The following DNAJC17 variants were observed in gnomAD, a reference collection of about 807,000 sequenced individuals.
The protein encoded by DNAJC17 is DnaJ heat shock protein family (Hsp40) member C17.
A neutral mutation model predicts 48.1 loss-of-function variants in DNAJC17; 35 were observed. That is an observed-to-expected ratio of 0.73 (90% CI 0.56 to 0.96). The LOEUF (loss-of-function observed/expected upper bound fraction) is 0.96. Ranked by LOEUF, DNAJC17 falls within the 50% of genes least tolerant of loss-of-function variation. DNAJC17 has a pLI of 0.00. For synonymous variants in DNAJC17, 117 were observed against 142.7 expected, an observed-to-expected ratio of 0.82 and a Z score of 1.28; for missense variants, 355 against 377.1, an observed-to-expected ratio of 0.94 and a Z score of 0.48.
At chr15:40,773,985 G>T in intron 9 of DNAJC17, 148 bp from the exon 10 acceptor site, 1 of 732,346 alleles carries the variant, frequency 1.4e-6, no homozygotes, top group Non-Finnish European at 2.2e-6. Flanking sequence ...GGGTGTTAAC[G>T]CTTTGGCCTT....
rs1889071729 is a variant in DNAJC17, at chr15:40,769,712, G to C, written c.793-1650C>G. 6.6e-6 allele frequency among the ~76,000 whole-genome samples: 1 copy of C among 152,170 alleles called. No individual in the cohort carries two copies. Among genetic ancestry groups the C allele is most frequent in the African/African-American group, 2.4e-5 (1 of 41,394 alleles). ...ACCCGCCCCGAACTCTTCCTACCCA[G>C]ACACTGTGGGCAGGGAGCCAGGCGC... On this transcript the variant is annotated intron_variant, in intron 10 of 10. Transcript: ENST00000220496. This position sits in a 1 kb window ranked among gnomAD's most constrained non-coding sequence, Gnocchi z 4.2.
chr15:40,770,467 A>G lies in DNAJC17; in HGVS notation c.793-2405T>C, dbSNP rs755259960. 2.7e-5 allele frequency: 41 copies of G among 1,529,772 alleles called. No homozygotes were observed. In the African/African-American group the frequency reaches 5.2e-4, roughly 20 times the overall value. 94.8% of individuals were successfully genotyped at this position (1,529,772 alleles called of 1,614,324 possible). A position where few individuals can be genotyped will look rare whatever the true frequency, so the allele number is the denominator to read the frequency against. On this transcript the variant is annotated intron_variant, in intron 10 of 10. Transcript: ENST00000220496. The surrounding 1 kb of genome is among the most constrained non-coding windows in gnomAD (Gnocchi z 5.0). ...CCACATGCACCCTGGCTGCTCCTGA[A>G]CACCTGTCTGCTGGCTCCCCTGGGC...
At chr15:40,783,576 G>A (rs73398545) in intron 1 of DNAJC17, among the ~76,000 whole-genome samples, 13,195 of 152,250 alleles carry the variant, frequency 0.087, 1,526 homozygotes, top group African/African-American at 0.27. Context: ...CTTTTAAAGT[G>A]GTTTAGGCTG....
rs1888946985 is a variant in DNAJC17, at chr15:40,766,266, T to C, written c.*1674A>G. The C allele has an allele frequency of 5.7e-6, 1 of 174,680 alleles. No individual in the cohort carries two copies. Among genetic ancestry groups the C allele is most frequent in the Admixed American group, 6.3e-5 (1 of 15,844 alleles). The allele number at this position is 174,680 out of a possible 1,614,324, so 10.8% of individuals were successfully genotyped here. A position where few individuals can be genotyped will look rare whatever the true frequency, so the allele number is the denominator to read the frequency against. ...ACAGGCACAGAGAGAAAGGTTTTTGTCGTGAGGATCTGCATGAGTCGCAAA... is the reference window on the plus strand; with the variant it reads ...ACAGGCACAGAGAGAAAGGTTTTTGCCGTGAGGATCTGCATGAGTCGCAAA... On this transcript the variant is annotated 3_prime_UTR_variant, in exon 11 of 11. Coordinates refer to ENST00000220496, the MANE Select transcript of DNAJC17 (RefSeq NM_018163.3).
rs374839066 is a variant in DNAJC17, at chr15:40,779,930, G to C, written c.146C>G (p.Ala49Gly). The C allele has an allele frequency of 3.7e-6, 6 of 1,613,838 alleles. No homozygotes were observed. The African/African-American group carries it at 8.0e-5, about 22-fold the overall frequency. ...CCACGCCCTGAGAAGAGTCTCACCTGCTCTGGGATTATCTGGATTTTTGTC... is the reference window on the plus strand; with the variant it reads ...CCACGCCCTGAGAAGAGTCTCACCTCCTCTGGGATTATCTGGATTTTTGTC... ...HPDKNPDNPR[A>G]AELFHQLSQA... is the part of the protein sequence containing the mutation. Residue 49 changes from alanine (A) to glycine (G), a missense_variant and splice_region_variant, in exon 2 of 11, where the codon GCA (alanine) becomes GGA (glycine). Ala to Gly is a moderately conservative substitution (Grantham distance 60). Transcript: ENST00000220496.
chr15:40,798,877 T>C (rs1226396697), intron 1 of DNAJC17, among the ~76,000 whole-genome samples: 1 of 152,140 alleles, frequency 6.6e-6, no homozygotes, highest in African/African-American at 2.4e-5. Flanking sequence ...ACTTAATCCT[T>C]CATTCTGGCA....
chr15:40,765,190 G>A lies in DNAJC17; in HGVS notation c.*2750C>T, dbSNP rs1284454465. 2 of 152,198 alleles carry A rather than the reference G, an allele frequency of 1.3e-5. No individual in the cohort carries two copies. The highest frequency in any genetic ancestry group is 4.8e-5 in the African/African-American group (2 of 41,444). The allele number at this position is 152,198 out of a possible 1,614,324, so 9.4% of individuals were successfully genotyped here. A position where few individuals can be genotyped will look rare whatever the true frequency, so the allele number is the denominator to read the frequency against. On this transcript the variant is annotated 3_prime_UTR_variant, in exon 11 of 11. Coordinates refer to ENST00000220496, the MANE Select transcript of DNAJC17 (RefSeq NM_018163.3). ...TTAAAAGATATGGCTTTATTGATAT[G>A]TAATGTGCATACCATAAATTCTTTG...
chr15:40,785,095 TAAC>T (rs779030942), intron 1 of DNAJC17, among the ~76,000 whole-genome samples: 4 of 151,758 alleles, frequency 2.6e-5, no homozygotes, highest in Non-Finnish European at 4.4e-5. Context: ...TGAAAGTCCA[TAAC>T]AACAACAACA....
Position 40,770,528 on chromosome 15 carries a change from C to A in DNAJC17, c.793-2466G>T, listed in dbSNP as rs368287645. 56 of 1,550,460 alleles carry A rather than the reference C, an allele frequency of 3.6e-5. 1 individual carries two copies. In the East Asian group the frequency reaches 8.1e-4, roughly 22 times the overall value. On this transcript the variant is annotated intron_variant, in intron 10 of 10. Coordinates refer to ENST00000220496, the MANE Select transcript of DNAJC17 (RefSeq NM_018163.3). The surrounding 1 kb of genome is among the most constrained non-coding windows in gnomAD (Gnocchi z 5.0). ...CCTGGCGGAAAGGCTCCTTCCGCAA[C>A]GCCTCCTTCTTCAAGCAGCTGAGCC... is the stretch of plus-strand genomic sequence containing the variant.
Position 40,770,350 on chromosome 15 carries a change from TGTG to T in DNAJC17, c.793-2291_793-2289del. On this transcript the variant is annotated intron_variant, in intron 10 of 10. Coordinates refer to ENST00000220496, the MANE Select transcript of DNAJC17 (RefSeq NM_018163.3). This position sits in a 1 kb window ranked among gnomAD's most constrained non-coding sequence, Gnocchi z 5.0. The stretch of plus-strand genomic sequence containing the variant: ...TGAGCCCTCCTCTCACCATCCAAGA[TGTG>T]GTCAAAGGTCTGTGCTGAGTGGAAA... The T allele has an allele frequency of 1.3e-6, 1 of 755,064 alleles. No individual in the cohort carries two copies. The highest frequency in any genetic ancestry group is 1.9e-5 in the South Asian group (1 of 52,142). 46.8% of individuals were successfully genotyped at this position (755,064 alleles called of 1,614,324 possible).
At chr15:40,800,811 TA>T (rs1890056817) in intron 1 of DNAJC17, among the ~76,000 whole-genome samples, 1 of 151,954 alleles carries the variant, frequency 6.6e-6, no homozygotes, top group South Asian at 2.1e-4. Flanking sequence ...ATATAAAAAT[TA>T]GCCAGGCGTG....
At chr15:40,792,967 C>A (rs141841763) in intron 1 of DNAJC17, among the ~76,000 whole-genome samples, 145 of 146,954 alleles carry the variant, frequency 9.9e-4, no homozygotes, top group African/African-American at 3.6e-3. Context: ...GATCTCAGCT[C>A]ACTGCAAGCT....
intron 1 of DNAJC17, among the ~76,000 whole-genome samples, chr15:40,790,736 T>C (rs1188371326): frequency 1.3e-5 from 2 of 152,196 alleles, no homozygotes; most frequent in Non-Finnish European, 2.9e-5. Context: ...TCTCATCAAA[T>C]GAGATAATTT....
chr15:40,779,559 C>T lies in DNAJC17; in HGVS notation c.193G>A (p.Asp65Asn), dbSNP rs181009746. 1.0e-4 allele frequency: 162 copies of T among 1,614,054 alleles called. No homozygotes were observed. The East Asian group carries it at 3.0e-3, about 30-fold the overall frequency. Residue 65 changes from aspartate to asparagine, a missense_variant, in exon 3 of 11, where the codon GAT (aspartate) becomes AAT (asparagine). Transcript: ENST00000220496. ...QLSQALEVLTDAAARAAYDKV... is the reference protein window; with the variant it reads ...QLSQALEVLTNAAARAAYDKV... ...GCTGTGCTTACCCTGGCTGCAGCAT[C>T]GGTCAGCACCTCCAAGGCCTGAGAA... is the stretch of plus-strand genomic sequence containing the variant.
At chr15:40,773,446 G>C (rs1016561624) in intron 10 of DNAJC17, among the ~76,000 whole-genome samples, 1 of 152,180 alleles carries the variant, frequency 6.6e-6, no homozygotes, top group Non-Finnish European at 1.5e-5. Flanking sequence ...AGCAACCTGA[G>C]GGCCAGGAAG....
intron 10 of DNAJC17, among the ~76,000 whole-genome samples, chr15:40,772,709 G>A (rs918884634): frequency 2.6e-5 from 4 of 152,228 alleles, no homozygotes; most frequent in African/African-American, 9.6e-5. Context: ...ACAGGCCCTG[G>A]GCCACTGCAG....
intron 10 of DNAJC17, among the ~76,000 whole-genome samples, chr15:40,772,799 C>G (rs1468673608): frequency 6.6e-6 from 1 of 152,176 alleles, no homozygotes. Flanking sequence ...TGGCCAGGAG[C>G]CCCACAGCCC....
At chr15:40,785,028 G>A (rs888963950) in intron 1 of DNAJC17, among the ~76,000 whole-genome samples, 10 of 152,102 alleles carry the variant, frequency 6.6e-5, no homozygotes, top group African/African-American at 2.4e-4. Flanking sequence ...AACCCAGGAG[G>A]CGGAGCTTGC....
chr15:40,794,793 C>T (rs2141960686), intron 1 of DNAJC17, among the ~76,000 whole-genome samples: 1 of 152,314 alleles, frequency 6.6e-6, no homozygotes, highest in East Asian at 1.9e-4. Flanking sequence ...TCTCGGCTCA[C>T]TGAAACCTCT....
Sources: allele counts gnomAD v4.1 joint callset (sites outside exome capture counted in the v4.1 genomes callset), GRCh38; gene constraint gnomAD v4.1.1; non-coding constraint Gnocchi (gnomAD v3.1); transcripts MANE v1.5; gene names NCBI Gene and HGNC (gene_info 2026-07-23, HGNC 2026-07-21).